KIAA1217: variants seen among roughly 807,000 people sequenced by gnomAD.
The protein encoded by KIAA1217 is sickle tail protein homolog.
A neutral mutation model predicts 163.9 loss-of-function variants in KIAA1217; 88 were observed. The ratio of observed to expected loss-of-function variants is 0.54; its 90% CI spans 0.45 to 0.64. The LOEUF is 0.64. KIAA1217 is among the 30% of genes least tolerant of loss of function. The pLI is 0.00. For missense variants in KIAA1217, 2,372 were observed against 2,475.0 expected, an observed-to-expected ratio of 0.96 and a Z score of 0.88; for synonymous variants, 903 against 923.1, an observed-to-expected ratio of 0.98 and a Z score of 0.39.
intron 5 of KIAA1217, among the ~76,000 whole-genome samples, chr10:24,462,793 GC>G (rs1450381724): frequency 6.6e-6 from 1 of 152,098 alleles, no homozygotes; most frequent in Non-Finnish European, 1.5e-5. Flanking sequence ...AGCAAATAAA[GC>G]AGTATATCCT....
chr10:24,356,478 ACC>A (rs1484200147), intron 2 of KIAA1217, among the ~76,000 whole-genome samples: 1 of 151,984 alleles, frequency 6.6e-6, no homozygotes, highest in Non-Finnish European at 1.5e-5. Flanking sequence ...TGTGGGGGAG[ACC>A]TCTAGTGTGG....
chr10:23,864,451 T>C (rs1840089439), intron 1 of KIAA1217, among the ~76,000 whole-genome samples: 1 of 151,870 alleles, frequency 6.6e-6, no homozygotes, highest in South Asian at 2.1e-4. Context: ...AGTTTTACTG[T>C]ACTTTCTTTT....
chr10:24,036,888 A>G (rs1848415364), intron 2 of KIAA1217, among the ~76,000 whole-genome samples: 1 of 152,206 alleles, frequency 6.6e-6, no homozygotes, highest in Non-Finnish European at 1.5e-5. Flanking sequence ...CTAAATCAAC[A>G]GGGTAAGCAC....
chr10:24,360,535 C>T (rs1057465377), intron 2 of KIAA1217, among the ~76,000 whole-genome samples: 2 of 152,174 alleles, frequency 1.3e-5, no homozygotes, highest in Non-Finnish European at 2.9e-5. Context: ...TTTTCACAGA[C>T]TGGTTACATT....
intron 3 of KIAA1217, among the ~76,000 whole-genome samples, chr10:24,423,890 T>G (rs1055837568): frequency 6.6e-6 from 1 of 152,206 alleles, no homozygotes; most frequent in African/African-American, 2.4e-5. Flanking sequence ...CTGGAATTTC[T>G]CAGTCCTTCA....
chr10:23,786,423 A>C (rs1212763834), intron 1 of KIAA1217, among the ~76,000 whole-genome samples: 1 of 151,996 alleles, frequency 6.6e-6, no homozygotes, highest in Non-Finnish European at 1.5e-5. Flanking sequence ...TATGACAACA[A>C]ATTCTGACAG....
intron 1 of KIAA1217, among the ~76,000 whole-genome samples, chr10:23,945,660 T>C (rs1003127219): frequency 3.9e-5 from 6 of 152,334 alleles, no homozygotes; most frequent in African/African-American, 1.4e-4. Flanking sequence ...TTAAAGTTCT[T>C]TTATTATGCA....
intron 1 of KIAA1217, among the ~76,000 whole-genome samples, chr10:23,862,091 A>G (rs1053894573): frequency 1.3e-5 from 2 of 152,138 alleles, no homozygotes; most frequent in East Asian, 1.9e-4. Context: ...AACCTGTTAG[A>G]CTACAGGTCT....
chr10:24,233,953 A>T (rs2071813433), intron 2 of KIAA1217, among the ~76,000 whole-genome samples: 1 of 152,156 alleles, frequency 6.6e-6, no homozygotes, highest in Non-Finnish European at 1.5e-5. Flanking sequence ...CCTTCTCTAT[A>T]AGTTATGTCT....
At chr10:24,059,276 C>T (rs947298494) in intron 2 of KIAA1217, among the ~76,000 whole-genome samples, 7 of 151,868 alleles carry the variant, frequency 4.6e-5, no homozygotes, top group African/African-American at 9.7e-5. Context: ...GAATTCAGTT[C>T]GCTAGTATTT....
At chr10:24,446,261 A>T (rs1206466579) in intron 5 of KIAA1217, among the ~76,000 whole-genome samples, 1 of 151,956 alleles carries the variant, frequency 6.6e-6, no homozygotes, top group African/African-American at 2.4e-5. Flanking sequence ...GTTTGAGTTC[A>T]TTGTAGATTC....
chr10:24,061,078 TCTTA>T (rs1192062128), intron 2 of KIAA1217, among the ~76,000 whole-genome samples: 2 of 152,192 alleles, frequency 1.3e-5, no homozygotes, highest in East Asian at 3.8e-4. Flanking sequence ...TCTTTTCCTC[TCTTA>T]CTGTCTTTCT....
At chr10:23,810,404 C>A (rs979183881) in intron 1 of KIAA1217, among the ~76,000 whole-genome samples, 1 of 143,920 alleles carries the variant, frequency 6.9e-6, no homozygotes, top group East Asian at 2.0e-4. Context: ...TATACTCTCT[C>A]TATAATATAT....
chr10:24,265,894 C>T (rs1455656726), intron 2 of KIAA1217, among the ~76,000 whole-genome samples: 1 of 151,910 alleles, frequency 6.6e-6, no homozygotes, highest in African/African-American at 2.4e-5. Flanking sequence ...GAGGAGTCAG[C>T]GAAGTCTGAG....
chr10:24,014,629 CA>C (rs1310504255), intron 2 of KIAA1217, among the ~76,000 whole-genome samples: 1 of 152,108 alleles, frequency 6.6e-6, no homozygotes, highest in Non-Finnish European at 1.5e-5. Context: ...TATATTAGAT[CA>C]ATACAGCATC....
At chr10:24,305,336 A>G (rs1474351885) in intron 2 of KIAA1217, among the ~76,000 whole-genome samples, 3 of 152,208 alleles carry the variant, frequency 2.0e-5, no homozygotes, top group Non-Finnish European at 4.4e-5. Flanking sequence ...CTAAAGAACC[A>G]TCTTAAAAGA....
At chr10:24,376,396 T>A (rs115243838) in intron 2 of KIAA1217, among the ~76,000 whole-genome samples, 1,738 of 152,294 alleles carry the variant, frequency 0.011, 35 homozygotes, top group African/African-American at 0.04. Flanking sequence ...TACCTGTGAC[T>A]CAACGAGGTT....
chr10:23,929,303 G>A (rs78449920), intron 1 of KIAA1217, among the ~76,000 whole-genome samples: 1 of 152,062 alleles, frequency 6.6e-6, no homozygotes, highest in Non-Finnish European at 1.5e-5. Flanking sequence ...TGAAATAATG[G>A]ATTTTATTTT....
At chr10:23,901,835 T>C (rs1268647878) in intron 1 of KIAA1217, among the ~76,000 whole-genome samples, 1 of 147,446 alleles carries the variant, frequency 6.8e-6, no homozygotes, top group Non-Finnish European at 1.5e-5. Context: ...CGTTTGAACC[T>C]GGGAGGTGGA....
Sources: allele counts gnomAD v4.1 joint callset (sites outside exome capture counted in the v4.1 genomes callset), GRCh38; gene constraint gnomAD v4.1.1; transcripts MANE v1.5; gene names NCBI Gene and HGNC (gene_info 2026-07-23, HGNC 2026-07-21).